SNX24: variants seen among roughly 807,000 people sequenced by gnomAD.
SNX24 encodes the protein sorting nexin-24.
A neutral mutation model predicts 28.7 loss-of-function variants in SNX24; 22 were observed. The observed-to-expected ratio is 0.77, with a 90% CI of 0.55 to 1.10. The LOEUF is 1.10. Among genes scored for constraint, SNX24 ranks in the 50% least tolerant of loss-of-function variants. The probability of loss-of-function intolerance (pLI) is 0.00; values close to 1 mark genes in which losing one functional copy is unlikely to be tolerated. For synonymous variants in SNX24, 69 were observed against 71.5 expected (o/e 0.96, Z 0.18); for missense variants, 221 against 201.1 (o/e 1.10, Z -0.60).
downstream of SNX24, among the ~76,000 whole-genome samples, chr5:123,009,402 G>T (rs1762516916): frequency 6.6e-6 from 1 of 152,118 alleles, no homozygotes; most frequent in African/African-American, 2.4e-5. Flanking sequence ...AATATTTGAT[G>T]ATTTACCAAG....
intron 1 of SNX24, among the ~76,000 whole-genome samples, chr5:122,878,976 T>TA (rs905625091): frequency 2.0e-5 from 3 of 151,104 alleles, no homozygotes; most frequent in Non-Finnish European, 4.4e-5. Flanking sequence ...AATTAAAAAT[T>TA]AAAAAAAAGA....
intron 1 of SNX24, among the ~76,000 whole-genome samples, chr5:122,919,260 T>G (rs1393216732): frequency 6.6e-6 from 1 of 152,228 alleles, no homozygotes; most frequent in African/African-American, 2.4e-5. Flanking sequence ...TTCCGCATTT[T>G]ATGGAAGCAG....
intron 3 of SNX24, among the ~76,000 whole-genome samples, chr5:122,959,745 T>C (rs955913702): frequency 2.0e-5 from 3 of 152,112 alleles, no homozygotes; most frequent in Non-Finnish European, 4.4e-5. Flanking sequence ...CTGAAGCAGC[T>C]ACATTGTCTG....
intron 5 of SNX24, among the ~76,000 whole-genome samples, chr5:123,015,702 G>A (rs538963647): frequency 6.6e-6 from 1 of 152,108 alleles, no homozygotes; most frequent in African/African-American, 2.4e-5. Flanking sequence ...CAGTCCTAGG[G>A]CACTTCAAAT....
intron 2 of SNX24, among the ~76,000 whole-genome samples, chr5:122,942,118 G>A (rs1051762307): frequency 2.6e-5 from 4 of 152,220 alleles, no homozygotes; most frequent in Admixed American, 6.5e-5. Context: ...AGTCTTTTCA[G>A]TGTGGCAAAC....
At chr5:122,955,171 T>A (rs79272547) in intron 3 of SNX24, among the ~76,000 whole-genome samples, 18,920 of 152,056 alleles carry the variant, frequency 0.12, 1,484 homozygotes, top group East Asian at 0.36. Flanking sequence ...ACCCTTAACT[T>A]AAGGTTTTTG....
chr5:122,967,246 A>G (rs1022820485), intron 3 of SNX24, among the ~76,000 whole-genome samples: 13 of 152,174 alleles, frequency 8.5e-5, no homozygotes, highest in Non-Finnish European at 1.9e-4. Flanking sequence ...CCACCATACT[A>G]GCTCAGCAGC....
chr5:122,883,880 C>T (rs1756584007), intron 1 of SNX24, among the ~76,000 whole-genome samples: 1 of 152,052 alleles, frequency 6.6e-6, no homozygotes, highest in Non-Finnish European at 1.5e-5. Flanking sequence ...GTATTGAACT[C>T]CTGGGCTCAA....
At position 122,910,205 on chromosome 5, in the gene SNX24, G is replaced by T. The variant is rs144231221; in HGVS notation, c.61-26529G>T. On this transcript the variant is annotated intron_variant, in intron 1 of 6. Transcript: ENST00000261369. ...TAATCCTACCACTGTGGTGTTCAGG[G>T]TTTGTATGCTTTGCTGTGTGTCAGG... 2.6e-5 allele frequency among the ~76,000 whole-genome samples: 4 copies of T among 152,296 alleles called. No homozygotes were observed. The East Asian group carries it at 7.7e-4, about 29-fold the overall frequency.
intron 1 of SNX24, among the ~76,000 whole-genome samples, chr5:122,900,357 C>T: frequency 6.6e-6 from 1 of 152,114 alleles, no homozygotes. Context: ...AAAATGTGAA[C>T]TATTAAAACG....
At chr5:122,987,925 G>A (rs1055166694) in intron 3 of SNX24, among the ~76,000 whole-genome samples, 2 of 152,132 alleles carry the variant, frequency 1.3e-5, no homozygotes, top group Non-Finnish European at 2.9e-5. Flanking sequence ...AACACAAGTG[G>A]ATTACATATA....
At chr5:123,005,189 T>G (rs372806806) in intron 6 of SNX24, among the ~76,000 whole-genome samples, 2 of 152,196 alleles carry the variant, frequency 1.3e-5, no homozygotes, top group Non-Finnish European at 2.9e-5. Flanking sequence ...CCTATTTGCT[T>G]CCTTCATAGT....
At chr5:123,023,751 G>C (rs1762800065) in intron 5 of SNX24, 17 of 1,364,018 alleles carry the variant, frequency 1.2e-5, no homozygotes, top group Middle Eastern at 5.6e-4. Flanking sequence ...CTGTGATCTG[G>C]GATAGAATAC....
At chr5:123,006,161 A>C (rs1762415871) in intron 6 of SNX24, among the ~76,000 whole-genome samples, 1 of 152,152 alleles carries the variant, frequency 6.6e-6, no homozygotes, top group South Asian at 2.1e-4. Flanking sequence ...TGTTGAGGTA[A>C]ACTTGTCACC....
chr5:123,020,657 A>AAATC (rs1391572718), intron 5 of SNX24, among the ~76,000 whole-genome samples: 1 of 152,238 alleles, frequency 6.6e-6, no homozygotes, highest in Non-Finnish European at 1.5e-5. Flanking sequence ...AAGTCAAAGG[A>AAATC]AATCAGTTTG....
At chr5:122,974,542 C>T (rs1184226611) in intron 3 of SNX24, among the ~76,000 whole-genome samples, 1 of 152,234 alleles carries the variant, frequency 6.6e-6, no homozygotes, top group Non-Finnish European at 1.5e-5. Context: ...TCAATGGCTG[C>T]ATACCAGGTA....
chr5:122,939,160 C>T (rs1246218675), intron 2 of SNX24, among the ~76,000 whole-genome samples: 1 of 152,098 alleles, frequency 6.6e-6, no homozygotes, highest in Non-Finnish European at 1.5e-5. Context: ...CCTCGATTTC[C>T]ATATTTGAAT....
chr5:122,861,155 C>T (rs895924700), intron 1 of SNX24, among the ~76,000 whole-genome samples: 7 of 151,872 alleles, frequency 4.6e-5, no homozygotes, highest in African/African-American at 7.3e-5. Flanking sequence ...GCCTGGCGAA[C>T]GTGGTGAAAC....
At chr5:122,889,353 T>C (rs1756852201) in intron 1 of SNX24, among the ~76,000 whole-genome samples, 1 of 152,048 alleles carries the variant, frequency 6.6e-6, no homozygotes, top group African/African-American at 2.4e-5. Flanking sequence ...TCTGTATAGA[T>C]GTATACAGGC....
Sources: allele counts gnomAD v4.1 joint callset (sites outside exome capture counted in the v4.1 genomes callset), GRCh38; gene constraint gnomAD v4.1.1; transcripts MANE v1.5; gene names NCBI Gene and HGNC (gene_info 2026-07-23, HGNC 2026-07-21).